PUDP: variants seen among roughly 807,000 people sequenced by gnomAD.
PUDP encodes the protein pseudouridine-5'-phosphatase.
In PUDP, 8 loss-of-function variants were observed where a neutral mutation model predicts 9.4. The ratio of observed to expected loss-of-function variants is 0.85; its 90% CI spans 0.50 to 1.53. PUDP has a LOEUF of 1.53. Ranked by LOEUF, PUDP falls within the 40% of genes most tolerant of loss-of-function variation. The pLI, the probability that PUDP is intolerant of heterozygous loss-of-function variation, is 0.00. For synonymous variants in PUDP, 99 were observed against 80.7 expected (o/e 1.23, Z -1.22); for missense variants, 188 against 189.7 (o/e 0.99, Z 0.05).
intron 3 of PUDP, among the ~76,000 whole-genome samples, chrX:6,740,378 TTAAC>T (rs1275360029): frequency 8.9e-6 from 1 of 111,829 alleles, no homozygotes; most frequent in African/African-American, 3.3e-5. Flanking sequence ...GGTTGGACCT[TTAAC>T]TAGGGAGACA....
At chrX:6,900,046 T>A (rs945718202) in intron 3 of PUDP, among the ~76,000 whole-genome samples, 9 of 109,656 alleles carry the variant, frequency 8.2e-5, no homozygotes, top group African/African-American at 3.0e-4. Flanking sequence ...GACCGTGTCT[T>A]TACAACAAAT....
At chrX:7,098,836 G>GGCCAAGAGATGCAGGGGAGAGCCA (rs1555933003) in intron 2 of PUDP, among the ~76,000 whole-genome samples, 32,172 of 96,137 alleles carry the variant, frequency 0.33, 8,017 homozygotes, top group East Asian at 0.42. Flanking sequence ...AGGCGGTAAG[G>GGCCAAGAGATGCAGGGGAGAGCCA]GCCAAGAGAT....
chrX:6,981,731 T>C (rs1929035582), intron 1 of PUDP, among the ~76,000 whole-genome samples: 1 of 111,528 alleles, frequency 9.0e-6, no homozygotes, highest in South Asian at 3.8e-4. Flanking sequence ...ATTTTAGAGA[T>C]GTGAAAATTG....
chrX:6,818,518 A>G (rs1221732930), intron 3 of PUDP, among the ~76,000 whole-genome samples: 2 of 112,512 alleles, frequency 1.8e-5, no homozygotes, highest in Non-Finnish European at 3.7e-5. Context: ...CCAATTTTCT[A>G]CATTTAATAT....
chrX:7,086,586 C>G (rs1436099410), intron 2 of PUDP, among the ~76,000 whole-genome samples: 1 of 112,187 alleles, frequency 8.9e-6, no homozygotes, highest in African/African-American at 3.2e-5. Flanking sequence ...TTCTGATCTT[C>G]TCCAAGCTCT....
intron 1 of PUDP, among the ~76,000 whole-genome samples, chrX:6,715,881 G>A (rs1924593495): frequency 9.0e-6 from 1 of 111,344 alleles, no homozygotes. Context: ...TCTGAAGTGG[G>A]GTGTGGGAGA....
chrX:6,785,545 T>A (rs965672591), intron 3 of PUDP, among the ~76,000 whole-genome samples: 1 of 111,421 alleles, frequency 9.0e-6, no homozygotes, highest in Non-Finnish European at 1.9e-5. Flanking sequence ...ATCTTACACA[T>A]ACTTTGCGCG....
chrX:6,888,246 T>C (rs2146744319), intron 3 of PUDP, among the ~76,000 whole-genome samples: 1 of 111,346 alleles, frequency 9.0e-6, no homozygotes, highest in Non-Finnish European at 1.9e-5. Context: ...AACAGCTGAC[T>C]GCCTCCCTTC....
chrX:6,822,693 T>G (rs1347326089), intron 3 of PUDP, among the ~76,000 whole-genome samples: 1 of 63,585 alleles, frequency 1.6e-5, no homozygotes, highest in African/African-American at 8.4e-5. Flanking sequence ...CCAAAGTGTT[T>G]TTTTTTTTTT....
chrX:6,744,694 C>A (rs1043806414), intron 3 of PUDP, among the ~76,000 whole-genome samples: 1 of 111,021 alleles, frequency 9.0e-6, no homozygotes, highest in African/African-American at 3.3e-5. Context: ...CCCAGGGGGG[C>A]GAAAGACATC....
intron 1 of PUDP, among the ~76,000 whole-genome samples, chrX:6,715,496 T>C (rs755832790): frequency 1.8e-5 from 2 of 112,454 alleles, no homozygotes; most frequent in East Asian, 5.6e-4. Context: ...TCATGGCTAA[T>C]GATACATGCC....
chrX:6,751,369 G>A (rs1474644780), intron 3 of PUDP, among the ~76,000 whole-genome samples: 7 of 111,037 alleles, frequency 6.3e-5, no homozygotes, highest in Non-Finnish European at 1.3e-4. Flanking sequence ...AATTCCCTTC[G>A]CAAAGTCTCT....
intron 3 of PUDP, among the ~76,000 whole-genome samples, chrX:6,837,463 A>T (rs1327409092): frequency 8.9e-6 from 1 of 112,767 alleles, no homozygotes; most frequent in Non-Finnish European, 1.9e-5. Context: ...AATCTCAGAG[A>T]ATGGCCTACC....
chrX:7,030,988 G>T (rs1473949125), intron 1 of PUDP, among the ~76,000 whole-genome samples: 1 of 111,626 alleles, frequency 9.0e-6, no homozygotes, highest in Non-Finnish European at 1.9e-5. Context: ...TAAACGAGGG[G>T]TTGATTATTC....
rs529271076 is a variant in PUDP at position 7,105,196 on chromosome X, G to T, written c.280+424C>A. On this transcript the variant is annotated intron_variant, in intron 2 of 3. Transcript: ENST00000381077. ...TTTACTTTTTTTTTTTTTTAATTAAGCGTCTTTGGGGAGATTTAGCTGCTT... is the reference window on the plus strand; with the variant it reads ...TTTACTTTTTTTTTTTTTTAATTAATCGTCTTTGGGGAGATTTAGCTGCTT... Among the ~76,000 whole-genome samples, 46 of 108,003 alleles carry T rather than the reference G, an allele frequency of 4.3e-4. No homozygotes were observed. In the South Asian group the frequency reaches 0.018, roughly 42 times the overall value. 93.8% of individuals were successfully genotyped at this position (108,003 alleles called of 115,157 possible). A position where few individuals can be genotyped will look rare whatever the true frequency, so the allele number is the denominator to read the frequency against.
chrX:7,098,880 A>G (rs912519236), intron 2 of PUDP, among the ~76,000 whole-genome samples: 4 of 109,615 alleles, frequency 3.6e-5, no homozygotes, highest in Non-Finnish European at 7.7e-5. Context: ...TGCAGGGGAG[A>G]GCCGGCCAAG....
intron 1 of PUDP, among the ~76,000 whole-genome samples, chrX:6,717,172 T>G (rs1924610163): frequency 8.9e-6 from 1 of 111,841 alleles, no homozygotes; most frequent in Non-Finnish European, 1.9e-5. Context: ...AGTACTGTGC[T>G]ATTGGCTCAT....
At chrX:6,992,203 T>C (rs906704330) in intron 1 of PUDP, among the ~76,000 whole-genome samples, 8 of 109,957 alleles carry the variant, frequency 7.3e-5, no homozygotes, top group Non-Finnish European at 1.3e-4. Flanking sequence ...CAGCTGATGT[T>C]CAAGTTCAAA....
intron 3 of PUDP, among the ~76,000 whole-genome samples, chrX:6,783,322 G>C (rs754262429): frequency 9.0e-6 from 1 of 111,149 alleles, no homozygotes; most frequent in Admixed American, 9.6e-5. Context: ...TGTACCTACC[G>C]GTGGATGCGT....
Sources: allele counts gnomAD v4.1 joint callset (sites outside exome capture counted in the v4.1 genomes callset), GRCh38; gene constraint gnomAD v4.1.1; transcripts MANE v1.5; gene names NCBI Gene and HGNC (gene_info 2026-07-23, HGNC 2026-07-21).